SH3RF3: variants seen among roughly 807,000 people sequenced by gnomAD.
SH3RF3 encodes the protein SH3 domain containing ring finger 3, also known as E3 ubiquitin-protein ligase SH3RF3.
In SH3RF3, 29 loss-of-function variants were observed where a neutral mutation model predicts 66.3. The ratio of observed to expected loss-of-function variants is 0.44; its 90% CI spans 0.33 to 0.60. The LOEUF (loss-of-function observed/expected upper bound fraction) is 0.60, where lower values mean the gene tolerates loss of function less well. Ranked by LOEUF, SH3RF3 falls within the 20% of genes least tolerant of loss-of-function variation. SH3RF3 has a pLI of 0.04. For missense variants in SH3RF3, 1,194 were observed against 1,190.9 expected (o/e 1.00, Z -0.04); for synonymous variants, 583 against 532.0 (o/e 1.10, Z -1.32).
At chr2:109,208,893 G>T (rs543924346) in intron 1 of SH3RF3, among the ~76,000 whole-genome samples, 2 of 152,316 alleles carry the variant, frequency 1.3e-5, no homozygotes, top group African/African-American at 4.8e-5. Flanking sequence ...GATCCTTAAA[G>T]AGGGCCAGTG....
chr2:109,183,383 C>T (rs534129664), intron 1 of SH3RF3, among the ~76,000 whole-genome samples: 2 of 152,260 alleles, frequency 1.3e-5, no homozygotes, highest in Admixed American at 6.5e-5. Context: ...GTGAACTCTC[C>T]CTTGCTGCTG....
intron 1 of SH3RF3, among the ~76,000 whole-genome samples, chr2:109,219,708 A>G (rs1306443421): frequency 2.0e-5 from 3 of 152,226 alleles, no homozygotes; most frequent in Admixed American, 6.5e-5. Flanking sequence ...CAAAAAGAAT[A>G]AAATACTTGG....
intron 4 of SH3RF3, 89 bp from the exon 5 acceptor site, chr2:109,419,450 A>T: frequency 7.5e-7 from 1 of 1,330,910 alleles, no homozygotes; most frequent in Non-Finnish European, 1.0e-6. Context: ...AAGCACAGGC[A>T]CCTGTGGATG....
chr2:109,225,151 T>C (rs1679343147), intron 1 of SH3RF3, among the ~76,000 whole-genome samples: 1 of 152,186 alleles, frequency 6.6e-6, no homozygotes, highest in Non-Finnish European at 1.5e-5. Flanking sequence ...TTTCCTCTTG[T>C]GTAAAATGAG....
intron 1 of SH3RF3, among the ~76,000 whole-genome samples, chr2:109,260,836 C>G (rs1680336100): frequency 6.6e-6 from 1 of 152,144 alleles, no homozygotes; most frequent in African/African-American, 2.4e-5. Context: ...CTTCTTCCTC[C>G]CCTACAGAGA....
rs118150479 is a variant in SH3RF3, at chr2:109,296,182, C to T, written c.574-51492C>T. On this transcript the variant is annotated intron_variant, in intron 1 of 9. Coordinates refer to ENST00000309415, the MANE Select transcript of SH3RF3 (RefSeq NM_001099289.3). ...AGCATTATCCCCTAGGACCCAGAGC[C>T]TCCTCCCATCTCCTGGCTTCCACTC... 8.0e-3 allele frequency among the ~76,000 whole-genome samples: 1,210 copies of T among 152,174 alleles called. 12 individuals are homozygous for T. The highest frequency in any genetic ancestry group is 0.037 in the East Asian group (193 of 5,158).
chr2:109,191,395 TAC>T (rs1157738146), intron 1 of SH3RF3, among the ~76,000 whole-genome samples: 3 of 152,198 alleles, frequency 2.0e-5, no homozygotes, highest in Admixed American at 6.5e-5. Flanking sequence ...GTCTCTTGCA[TAC>T]CTACTGTGAA....
intron 8 of SH3RF3, among the ~76,000 whole-genome samples, chr2:109,486,986 A>G (rs1413864942): frequency 6.6e-6 from 1 of 152,164 alleles, no homozygotes; most frequent in Non-Finnish European, 1.5e-5. Context: ...CAGAAGGGTC[A>G]TTGGAATGGA....
intron 1 of SH3RF3, among the ~76,000 whole-genome samples, chr2:109,184,830 C>T (rs529924232): frequency 1.4e-3 from 212 of 152,312 alleles, no homozygotes; most frequent in African/African-American, 4.7e-3. Context: ...GAGGCAGTTA[C>T]GTGGTTGTCC....
chr2:109,330,651 G>A (rs986810943), intron 1 of SH3RF3, among the ~76,000 whole-genome samples: 1 of 152,136 alleles, frequency 6.6e-6, no homozygotes, highest in African/African-American at 2.4e-5. Context: ...CGGAAGGGAG[G>A]GATGATAGAT....
At chr2:109,163,200 C>T (rs1008163287) in intron 1 of SH3RF3, among the ~76,000 whole-genome samples, 2 of 152,118 alleles carry the variant, frequency 1.3e-5, no homozygotes, top group Non-Finnish European at 2.9e-5. Context: ...TAGGAACTCG[C>T]GGGCAGCTTT....
chr2:109,302,311 T>C (rs528380789), intron 1 of SH3RF3, among the ~76,000 whole-genome samples: 1 of 152,250 alleles, frequency 6.6e-6, no homozygotes, highest in Non-Finnish European at 1.5e-5. Context: ...ACAGCATATC[T>C]GTGATGGATC....
chr2:109,334,289 T>C (rs1682354481), intron 1 of SH3RF3, among the ~76,000 whole-genome samples: 1 of 146,688 alleles, frequency 6.8e-6, no homozygotes, highest in Admixed American at 6.9e-5. Flanking sequence ...GCCCAGGAAG[T>C]CAAGGCTTCA....
chr2:109,227,970 G>A (rs1679410709), intron 1 of SH3RF3, among the ~76,000 whole-genome samples: 1 of 152,158 alleles, frequency 6.6e-6, no homozygotes, highest in South Asian at 2.1e-4. Context: ...TGGCTCAAGG[G>A]GCATGGGATT....
intron 7 of SH3RF3, among the ~76,000 whole-genome samples, chr2:109,437,472 T>C (rs943592035): frequency 1.3e-5 from 2 of 152,232 alleles, no homozygotes; most frequent in South Asian, 2.1e-4. Flanking sequence ...ACACATTTCA[T>C]TGTGGCAAGA....
At chr2:109,285,299 C>T (rs1482171179) in intron 1 of SH3RF3, among the ~76,000 whole-genome samples, 1 of 152,216 alleles carries the variant, frequency 6.6e-6, no homozygotes. Context: ...CTCATAACCT[C>T]CTGGGAAGCT....
At chr2:109,393,310 G>A (rs1212360595) in intron 3 of SH3RF3, among the ~76,000 whole-genome samples, 7 of 152,194 alleles carry the variant, frequency 4.6e-5, no homozygotes, top group African/African-American at 1.4e-4. Flanking sequence ...TTGGGAAGCC[G>A]AGCTTGCAAA....
At chr2:109,277,146 T>A (rs1680776278) in intron 1 of SH3RF3, among the ~76,000 whole-genome samples, 1 of 152,154 alleles carries the variant, frequency 6.6e-6, no homozygotes, top group African/African-American at 2.4e-5. Flanking sequence ...GGGTGGCAGG[T>A]CAGCCTTCTG....
intron 1 of SH3RF3, among the ~76,000 whole-genome samples, chr2:109,239,923 C>T (rs796447006): frequency 3.3e-5 from 5 of 152,266 alleles, no homozygotes; most frequent in African/African-American, 4.8e-5. Flanking sequence ...GGCAGCCAGG[C>T]GGAGGTGACT....
Sources: allele counts gnomAD v4.1 joint callset (sites outside exome capture counted in the v4.1 genomes callset), GRCh38; gene constraint gnomAD v4.1.1; transcripts MANE v1.5; gene names NCBI Gene and HGNC (gene_info 2026-07-23, HGNC 2026-07-21).